The following ACTR10 variants were observed in gnomAD, a reference collection of about 807,000 sequenced individuals.
ACTR10 encodes actin related protein 10.
ACTR10 carries 43 observed loss-of-function variants against 56.2 expected under a neutral mutation model. That is an observed-to-expected ratio of 0.77 (90% CI 0.60 to 0.99). The LOEUF is 0.99. Among genes scored for constraint, ACTR10 ranks in the 50% least tolerant of loss-of-function variants. The pLI, the probability that ACTR10 is intolerant of heterozygous loss-of-function variation, is 0.00. For synonymous variants in ACTR10, 170 were observed against 176.3 expected, an observed-to-expected ratio of 0.96 and a Z score of 0.28; for missense variants, 466 against 507.8, an observed-to-expected ratio of 0.92 and a Z score of 0.79.
chr14:58,206,478 C>T (rs139478175), intron 2 of ACTR10, among the ~76,000 whole-genome samples: 80 of 152,140 alleles, frequency 5.3e-4, no homozygotes, highest in African/African-American at 1.9e-3. Context: ...CCACTGCGCC[C>T]GAACGAGTTT....
chr14:58,226,088 C>T (rs1889391328), intron 10 of ACTR10, among the ~76,000 whole-genome samples: 1 of 151,780 alleles, frequency 6.6e-6, no homozygotes, highest in Non-Finnish European at 1.5e-5. Flanking sequence ...GTTCAAGACC[C>T]TGCCTCTACA....
chr14:58,218,302 C>G (rs1416340338), intron 7 of ACTR10, among the ~76,000 whole-genome samples: 4 of 152,122 alleles, frequency 2.6e-5, no homozygotes, highest in Non-Finnish European at 4.4e-5. Flanking sequence ...TCTGGCATAT[C>G]TTTATCCTCT....
At chr14:58,228,206 G>A (rs1043945243) in intron 10 of ACTR10, among the ~76,000 whole-genome samples, 3 of 152,212 alleles carry the variant, frequency 2.0e-5, no homozygotes, top group Admixed American at 6.5e-5. Context: ...TATCATCTCT[G>A]AGATATAGCC....
At chr14:58,221,298 A>T (rs774882398) in intron 8 of ACTR10, among the ~76,000 whole-genome samples, 13,277 of 150,212 alleles carry the variant, frequency 0.088, 887 homozygotes, top group African/African-American at 0.18. Context: ...AAAAAAAAAA[A>T]AAAAATATAT....
chr14:58,226,642 C>T (rs1889408488), intron 10 of ACTR10, among the ~76,000 whole-genome samples: 1 of 151,552 alleles, frequency 6.6e-6, no homozygotes, highest in African/African-American at 2.4e-5. Flanking sequence ...CTCTTGTTGC[C>T]CAGGCTGGAG....
At chr14:58,224,334 A>G (rs1889350105) in intron 10 of ACTR10, among the ~76,000 whole-genome samples, 1 of 152,108 alleles carries the variant, frequency 6.6e-6, no homozygotes, top group Admixed American at 6.5e-5. Flanking sequence ...AAAATAAAAA[A>G]AAAATTATCT....
At chr14:58,218,292 T>G (rs914694390) in intron 7 of ACTR10, among the ~76,000 whole-genome samples, 12 of 152,318 alleles carry the variant, frequency 7.9e-5, no homozygotes, top group African/African-American at 2.9e-4. Context: ...GATTAAATCT[T>G]CTGGCATATC....
intron 1 of ACTR10, among the ~76,000 whole-genome samples, chr14:58,202,381 A>C (rs1219906842): frequency 6.6e-6 from 1 of 151,732 alleles, no homozygotes; most frequent in Non-Finnish European, 1.5e-5. Flanking sequence ...GGAGATCGAG[A>C]CTATCCTGGC....
At chr14:58,212,122 C>T (rs1405521608) in intron 5 of ACTR10, among the ~76,000 whole-genome samples, 1 of 152,058 alleles carries the variant, frequency 6.6e-6, no homozygotes, top group Non-Finnish European at 1.5e-5. Flanking sequence ...TTAATCTCTT[C>T]GGGCCTCAGT....
At chr14:58,218,242 T>A (rs1471320567) in intron 7 of ACTR10, among the ~76,000 whole-genome samples, 1 of 152,234 alleles carries the variant, frequency 6.6e-6, no homozygotes, top group East Asian at 1.9e-4. Flanking sequence ...TTGCAGGTTC[T>A]TACAGTCAAG....
chr14:58,222,755 A>G lies in ACTR10; in HGVS notation c.635-867A>G, dbSNP rs536363770. Among the ~76,000 whole-genome samples, 9 of 106,744 alleles carry G rather than the reference A, an allele frequency of 8.4e-5. No individual in the cohort carries two copies. In the South Asian group the frequency reaches 3.5e-3, roughly 41 times the overall value. 70.0% of individuals were successfully genotyped at this position (106,744 alleles called of 152,430 possible). ...ACTCCAGTCTGGGCAATAGAGTGAG[A>G]CTCTGTCAGAAAAAAAAAAAAAAAA... On this transcript the variant is annotated intron_variant, in intron 8 of 12. Transcript: ENST00000254286.
chr14:58,211,275 A>G lies in ACTR10; in HGVS notation c.343-17A>G, dbSNP rs769274206. ...CACTCATTCCGGTTTTGTTGTATTG[A>G]TTTTGTTATTTTCTAGGTTCCATCT... is the stretch of plus-strand genomic sequence containing the variant. On this transcript the variant is annotated splice_polypyrimidine_tract_variant and intron_variant, in intron 4 of 12. Coordinates refer to ENST00000254286, the MANE Select transcript of ACTR10 (RefSeq NM_018477.3). 24 of 1,575,764 alleles carry G rather than the reference A, an allele frequency of 1.5e-5. No homozygotes were observed. The highest frequency in any genetic ancestry group is 2.1e-5 in the Non-Finnish European group (24 of 1,147,140).
chr14:58,217,306 G>A (rs1165273345), intron 7 of ACTR10, among the ~76,000 whole-genome samples: 1 of 152,122 alleles, frequency 6.6e-6, no homozygotes, highest in Non-Finnish European at 1.5e-5. Flanking sequence ...TGATAGCCAT[G>A]CAGTCCTACA....
intron 12 of ACTR10, among the ~76,000 whole-genome samples, chr14:58,233,280 G>C (rs558989022): frequency 1.3e-5 from 2 of 152,256 alleles, no homozygotes; most frequent in South Asian, 4.1e-4. Context: ...TTCATTAAAT[G>C]TTTTAAGTAG....
At chr14:58,215,340 C>T (rs1172426885) in intron 7 of ACTR10, 56 bp downstream of exon 7, 61 of 1,155,668 alleles carry the variant, frequency 5.3e-5, no homozygotes, top group Non-Finnish European at 7.6e-5. Flanking sequence ...TGTTCTTCAA[C>T]TTGTATTTTA....
intron 12 of ACTR10, among the ~76,000 whole-genome samples, chr14:58,233,914 G>T (rs2140067538): frequency 6.6e-6 from 1 of 152,278 alleles, no homozygotes; most frequent in South Asian, 2.1e-4. Flanking sequence ...GTTTTTAAAA[G>T]ACTGCCTTGT....
At chr14:58,211,538 A>G in intron 5 of ACTR10, 139 bp downstream of exon 5, 1 of 602,066 alleles carries the variant, frequency 1.7e-6, no homozygotes. Flanking sequence ...ATGTGGAAAA[A>G]GTTCACAGGA....
chr14:58,228,723 G>T (rs778846079), intron 10 of ACTR10, among the ~76,000 whole-genome samples: 7 of 87,104 alleles, frequency 8.0e-5, no homozygotes, highest in South Asian at 8.0e-4. Flanking sequence ...TTTTTTTAAA[G>T]AGATGAGGTC....
At chr14:58,227,108 T>C (rs1889422157) in intron 10 of ACTR10, among the ~76,000 whole-genome samples, 1 of 152,212 alleles carries the variant, frequency 6.6e-6, no homozygotes. Context: ...CTAAGTCTGC[T>C]TATAGAGTGC....
Sources: gnomAD v4.1 joint callset for allele counts (sites outside exome capture counted in the v4.1 genomes callset) on GRCh38, gnomAD v4.1.1 for gene constraint, MANE v1.5 for transcripts, NCBI Gene and HGNC (gene_info 2026-07-23, HGNC 2026-07-21) for gene names.